Variants in CRYBA1 observed in about 807,000 individuals in gnomAD.
CRYBA1 encodes crystallin beta A1, also known as beta-crystallin A3.
Under a neutral mutation model 36.2 loss-of-function variants are expected in CRYBA1, and 25 were observed. That is an observed-to-expected ratio of 0.69 (90% CI 0.50 to 0.97). The LOEUF is 0.97. Among genes scored for constraint, CRYBA1 ranks in the 50% least tolerant of loss-of-function variants. The pLI, the probability that CRYBA1 is intolerant of heterozygous loss-of-function variation, is 0.00. For synonymous variants in CRYBA1, 111 were observed against 90.0 expected, an observed-to-expected ratio of 1.23 and a Z score of -1.32; for missense variants, 224 against 276.3, an observed-to-expected ratio of 0.81 and a Z score of 1.34.
chr17:29,253,896 T>C, intron 5 of CRYBA1, 114 bp downstream of exon 5: 1 of 1,352,742 alleles, frequency 7.4e-7, no homozygotes, highest in Non-Finnish European at 1.0e-6. Flanking sequence ...ATTCTAGTTC[T>C]ACATAATTTT....
chr17:29,253,550 TA>T, intron 4 of CRYBA1, 89 bp from the exon 5 acceptor site: 1 of 1,094,910 alleles, frequency 9.1e-7, no homozygotes, highest in Non-Finnish European at 1.4e-6. Flanking sequence ...CTTCCTTGTA[TA>T]ATCCAAAAGT....
intron 2 of CRYBA1, 22 bp from the exon 3 acceptor site, chr17:29,250,160 G>A (rs1170083546): frequency 7.7e-7 from 1 of 1,303,304 alleles, no homozygotes; most frequent in Non-Finnish European, 1.1e-6. Context: ...TAGCTCTCTT[G>A]CGCCATTCAA....
chr17:29,248,424 G>A (rs1414034743), intron 1 of CRYBA1, among the ~76,000 whole-genome samples: 2 of 150,830 alleles, frequency 1.3e-5, no homozygotes, highest in African/African-American at 2.4e-5. Flanking sequence ...GAGTGCAGTG[G>A]CACGATCTCA....
chr17:29,253,908 AATC>A, intron 5 of CRYBA1, 126 bp downstream of exon 5: 1 of 1,303,692 alleles, frequency 7.7e-7, no homozygotes, highest in African/African-American at 1.5e-5. Context: ...CATAATTTTG[AATC>A]TCAATTTCTT....
chr17:29,250,073 C>A (rs942587577), intron 2 of CRYBA1, 109 bp from the exon 3 acceptor site: 30 of 780,010 alleles, frequency 3.8e-5, no homozygotes, highest in Admixed American at 3.6e-4. Flanking sequence ...GCATCCCAGG[C>A]TACAGCTGGT....
At chr17:29,248,124 A>G (rs1329078213) in intron 1 of CRYBA1, among the ~76,000 whole-genome samples, 1 of 151,880 alleles carries the variant, frequency 6.6e-6, no homozygotes, top group Non-Finnish European at 1.5e-5. Flanking sequence ...CTCAAAAAAA[A>G]AAAAAGAAAA....
At chr17:29,249,050 C>T in intron 1 of CRYBA1, 92 bp from the exon 2 acceptor site, 1 of 856,184 alleles carries the variant, frequency 1.2e-6, no homozygotes, top group Admixed American at 1.7e-5. Flanking sequence ...GTCTGTCTTG[C>T]AGACTTCAAG....
In CRYBA1 at chr17:29,254,371, G is replaced by C. The variant is rs767733072; in HGVS notation, c.*22G>C. 1 of 1,613,446 alleles carries C rather than the reference G, an allele frequency of 6.2e-7. No homozygotes were observed. Among genetic ancestry groups the C allele is most frequent in the Non-Finnish European group, 8.5e-7 (1 of 1,179,538 alleles). ...GTAGCTGATTAAAAGCTCCAAGTAC[G>C]ATAATTCCTCAAGCATGAGACCTTG... On this transcript the variant is annotated 3_prime_UTR_variant, in exon 6 of 6. Transcript: ENST00000225387.
chr17:29,251,842 C>G (rs1255685869), intron 3 of CRYBA1, among the ~76,000 whole-genome samples: 1 of 152,154 alleles, frequency 6.6e-6, no homozygotes, highest in Non-Finnish European at 1.5e-5. Flanking sequence ...AGTAGATAGA[C>G]CTTTTCAGTG....
chr17:29,250,031 T>G (rs1317116267), intron 2 of CRYBA1, 151 bp from the exon 3 acceptor site: 1 of 730,088 alleles, frequency 1.4e-6, no homozygotes, highest in African/African-American at 1.7e-5. Context: ...AACCCCTTCC[T>G]GCCCTGTCTA....
At chr17:29,248,408 A>G (rs1386821703) in intron 1 of CRYBA1, among the ~76,000 whole-genome samples, 1 of 146,530 alleles carries the variant, frequency 6.8e-6, no homozygotes, top group African/African-American at 2.5e-5. Flanking sequence ...TCTGTTGCCC[A>G]AGCTGGAGTG....
chr17:29,250,444 T>C, intron 3 of CRYBA1, 144 bp downstream of exon 3: 2 of 722,182 alleles, frequency 2.8e-6, no homozygotes, highest in Non-Finnish European at 5.1e-6. Flanking sequence ...AATCACTACA[T>C]GCATAATTTA....
chr17:29,252,905 TA>T (rs1230732713), intron 4 of CRYBA1, among the ~76,000 whole-genome samples: 1 of 152,260 alleles, frequency 6.6e-6, no homozygotes, highest in Non-Finnish European at 1.5e-5. Context: ...GAAGTTAACC[TA>T]AATAGTTCTA....
chr17:29,254,139 T>A, intron 5 of CRYBA1, 63 bp from the exon 6 acceptor site: 1 of 1,570,942 alleles, frequency 6.4e-7, no homozygotes, highest in Non-Finnish European at 8.7e-7. Context: ...GAGGCTCAGG[T>A]TTTGGGGTAT....
At chr17:29,253,219 G>C (rs16964946) in intron 4 of CRYBA1, among the ~76,000 whole-genome samples, 7,886 of 152,196 alleles carry the variant, frequency 0.052, 281 homozygotes, top group South Asian at 0.16. Context: ...TTTAATGCTT[G>C]TGTAGTATTC....
chr17:29,247,337 T>C (rs1567669892), intron 1 of CRYBA1, among the ~76,000 whole-genome samples: 2 of 152,230 alleles, frequency 1.3e-5, no homozygotes, highest in Admixed American at 6.5e-5. Context: ...TCCTTCCTCT[T>C]TCTTGCTCTG....
intron 4 of CRYBA1, among the ~76,000 whole-genome samples, chr17:29,252,457 A>C (rs1341877958): frequency 6.6e-6 from 1 of 152,224 alleles, no homozygotes; most frequent in Non-Finnish European, 1.5e-5. Context: ...GAGCCCAGTA[A>C]ACTTGTGAAA....
At chr17:29,248,515 C>T (rs543676574) in intron 1 of CRYBA1, among the ~76,000 whole-genome samples, 22 of 151,552 alleles carry the variant, frequency 1.5e-4, no homozygotes, top group Admixed American at 1.2e-3. Flanking sequence ...CAGGCGTGTG[C>T]CATCATACCC....
At chr17:29,248,116 CAA>C (rs561299746) in intron 1 of CRYBA1, among the ~76,000 whole-genome samples, 10 of 130,006 alleles carry the variant, frequency 7.7e-5, no homozygotes, top group Non-Finnish European at 9.9e-5. Context: ...AACTCTATCT[CAA>C]AAAAAAAAAA....
Sources: gnomAD v4.1 joint callset for allele counts (sites outside exome capture counted in the v4.1 genomes callset) on GRCh38, gnomAD v4.1.1 for gene constraint, MANE v1.5 for transcripts, NCBI Gene and HGNC (gene_info 2026-07-23, HGNC 2026-07-21) for gene names.